The following REPS2 variants were observed in gnomAD, a reference collection of about 807,000 sequenced individuals.
The protein encoded by REPS2 is RALBP1 associated Eps domain containing 2.
REPS2 carries 23 observed loss-of-function variants against 53.6 expected under a neutral mutation model. The ratio of observed to expected loss-of-function variants is 0.43; its 90% CI spans 0.31 to 0.61. The LOEUF (loss-of-function observed/expected upper bound fraction) is 0.61. Among genes scored for constraint, REPS2 ranks in the 20% least tolerant of loss-of-function variants. The pLI is 0.11. For synonymous variants in REPS2, 238 were observed against 218.6 expected, an observed-to-expected ratio of 1.09 and a Z score of -0.78; for missense variants, 446 against 534.9, an observed-to-expected ratio of 0.83 and a Z score of 1.64.
intron 1 of REPS2, among the ~76,000 whole-genome samples, chrX:16,986,085 C>T (rs2061087023): frequency 1.8e-5 from 2 of 112,108 alleles, no homozygotes; most frequent in African/African-American, 6.5e-5. Flanking sequence ...ATTTCAAAGA[C>T]TCATTATGCT....
intron 13 of REPS2, among the ~76,000 whole-genome samples, chrX:17,078,925 A>G (rs1396852734): frequency 8.9e-6 from 1 of 112,398 alleles, no homozygotes; most frequent in Non-Finnish European, 1.9e-5. Context: ...AGTAGAGCCA[A>G]TACTCCATGG....
At chrX:17,116,183 A>T (rs569427241) in intron 14 of REPS2, among the ~76,000 whole-genome samples, 15 of 110,257 alleles carry the variant, frequency 1.4e-4, no homozygotes, top group African/African-American at 5.0e-4. Flanking sequence ...CAACACATTT[A>T]AAAAAAACTC....
the REPS2 span, among the ~76,000 whole-genome samples, chrX:17,161,459 A>G: frequency 2.0e-4 from 22 of 111,656 alleles, no homozygotes; most frequent in Non-Finnish European, 3.8e-4. Context: ...GGCAACCATA[A>G]GGAACTGAGA....
intron 1 of REPS2, among the ~76,000 whole-genome samples, chrX:16,952,319 C>T (rs1312385002): frequency 1.8e-5 from 2 of 111,691 alleles, no homozygotes; most frequent in Non-Finnish European, 3.8e-5. Flanking sequence ...TGAGTGAGAA[C>T]ATGCGGTGTT....
At chrX:17,167,597 AC>A in the REPS2 span, among the ~76,000 whole-genome samples, 4 of 106,668 alleles carry the variant, frequency 3.7e-5, no homozygotes, top group African/African-American at 1.4e-4. Context: ...GATTCTCAAG[AC>A]TGGGGGGAGC....
At chrX:17,036,849 A>AGTGT (rs143234384) in intron 5 of REPS2, among the ~76,000 whole-genome samples, 1,193 of 102,877 alleles carry the variant, frequency 0.012, 10 homozygotes, top group African/African-American at 0.025. Flanking sequence ...AGAGAGTATA[A>AGTGT]GTGTGTGTGT....
At chrX:17,128,041 T>G (rs1334299363) in intron 14 of REPS2, among the ~76,000 whole-genome samples, 1 of 111,285 alleles carries the variant, frequency 9.0e-6, no homozygotes, top group Non-Finnish European at 1.9e-5. Flanking sequence ...GAGTGAGAGA[T>G]AGAGATAGAA....
intron 13 of REPS2, among the ~76,000 whole-genome samples, chrX:17,077,853 T>C (rs1247847965): frequency 8.9e-6 from 1 of 112,648 alleles, no homozygotes; most frequent in Non-Finnish European, 1.9e-5. Context: ...GAGAAGATCC[T>C]GTGTCCTGTA....
chrX:17,172,488 A>G, the REPS2 span, among the ~76,000 whole-genome samples: 2 of 111,843 alleles, frequency 1.8e-5, no homozygotes, highest in Non-Finnish European at 3.8e-5. Context: ...TAAGTTTCCT[A>G]AGGCCTCCTA....
At chrX:16,959,295 C>T (rs2060633230) in intron 1 of REPS2, among the ~76,000 whole-genome samples, 1 of 111,919 alleles carries the variant, frequency 8.9e-6, no homozygotes, top group African/African-American at 3.3e-5. Flanking sequence ...GACAGGGTCT[C>T]ACTATATTCC....
At chrX:17,048,135 C>G (rs1002675130) in intron 6 of REPS2, among the ~76,000 whole-genome samples, 1 of 112,630 alleles carries the variant, frequency 8.9e-6, no homozygotes, top group Non-Finnish European at 1.9e-5. Flanking sequence ...AAGAAAAATT[C>G]ATAAAGCTTT....
At chrX:17,007,300 G>A (rs191855178) in intron 2 of REPS2, among the ~76,000 whole-genome samples, 9 of 112,192 alleles carry the variant, frequency 8.0e-5, no homozygotes, top group African/African-American at 2.9e-4. Flanking sequence ...GCAGGTGGCA[G>A]TCATCATGCT....
chrX:16,968,728 G>A (rs1308346413), intron 1 of REPS2, among the ~76,000 whole-genome samples: 20 of 99,420 alleles, frequency 2.0e-4, no homozygotes, highest in African/African-American at 3.7e-4. Flanking sequence ...CGGACGGGGC[G>A]GCCGGCCGGG....
chrX:17,138,661 AAAT>A (rs1452731838), intron 16 of REPS2, 192 bp from the exon 17 acceptor site: 2 of 304,083 alleles, frequency 6.6e-6, no homozygotes, highest in Non-Finnish European at 5.8e-6. Context: ...CTTCAGGTGT[AAAT>A]AATTCATCCC....
At position 17,008,569 on chromosome X, in the gene REPS2, A is replaced by G. The variant is rs2061389838; in HGVS notation, c.397+2225A>G. On this transcript the variant is annotated intron_variant, in intron 2 of 17. Transcript: ENST00000357277. ...AGTTAATTCTGAATTATCTTCCTTCACCACTCTCTACTAATCCATTTAAAG... is the reference window on the plus strand; with the variant it reads ...AGTTAATTCTGAATTATCTTCCTTCGCCACTCTCTACTAATCCATTTAAAG... Among the ~76,000 whole-genome samples, 5 of 111,899 alleles carry G rather than the reference A, an allele frequency of 4.5e-5. No homozygotes were observed. The Admixed American group carries it at 4.8e-4, about 11-fold the overall frequency.
At chrX:17,158,802 G>A in the REPS2 span, among the ~76,000 whole-genome samples, 5 of 111,948 alleles carry the variant, frequency 4.5e-5, no homozygotes, top group African/African-American at 1.6e-4. Flanking sequence ...AACAAAACAG[G>A]TCTGCAAGCC....
At chrX:16,961,835 T>C (rs1009356722) in intron 1 of REPS2, among the ~76,000 whole-genome samples, 4 of 112,147 alleles carry the variant, frequency 3.6e-5, no homozygotes, top group African/African-American at 1.3e-4. Flanking sequence ...GGCAAAGGAC[T>C]TGATTATTCA....
At chrX:17,042,704 T>A (rs747689166) in intron 5 of REPS2, among the ~76,000 whole-genome samples, 13 of 107,282 alleles carry the variant, frequency 1.2e-4, no homozygotes, top group Non-Finnish European at 2.2e-4. Flanking sequence ...GTATCTGATA[T>A]GGCTCCTGTC....
intron 13 of REPS2, among the ~76,000 whole-genome samples, chrX:17,098,025 G>A (rs2062729687): frequency 1.8e-5 from 2 of 111,223 alleles, no homozygotes. Flanking sequence ...AACAGGGCAT[G>A]GTAGGGGTTT....
Sources: gnomAD v4.1 joint callset for allele counts (sites outside exome capture counted in the v4.1 genomes callset) on GRCh38, gnomAD v4.1.1 for gene constraint, MANE v1.5 for transcripts, NCBI Gene and HGNC (gene_info 2026-07-23, HGNC 2026-07-21) for gene names.